The following NOXRED1 variants were observed in gnomAD, a reference collection of about 807,000 sequenced individuals.
NOXRED1 encodes NADP-dependent oxidoreductase domain-containing protein 1.
NOXRED1 carries 20 observed loss-of-function variants against 30.4 expected under a neutral mutation model. The ratio of observed to expected loss-of-function variants is 0.66; its 90% CI spans 0.46 to 0.96. NOXRED1 has a LOEUF of 0.96. Ranked by LOEUF, NOXRED1 falls within the 40% of genes least tolerant of loss-of-function variation. The pLI is 0.00. For synonymous variants in NOXRED1, 155 were observed against 168.0 expected (o/e 0.92, Z 0.60); for missense variants, 374 against 428.0 (o/e 0.87, Z 1.11).
intron 1 of NOXRED1, among the ~76,000 whole-genome samples, chr14:77,417,653 A>G (rs1203698481): frequency 6.6e-6 from 1 of 152,226 alleles, no homozygotes; most frequent in Non-Finnish European, 1.5e-5. Flanking sequence ...TTCAGCCTAT[A>G]TGTGTCCTAA....
At chr14:77,415,521 G>A (rs901235236) in intron 1 of NOXRED1, among the ~76,000 whole-genome samples, 6 of 151,650 alleles carry the variant, frequency 4.0e-5, no homozygotes, top group Admixed American at 2.6e-4. Context: ...AGTGAGCCAA[G>A]ATCCACTACT....
At chr14:77,407,428 C>T (rs749273451) in intron 3 of NOXRED1, 37 bp downstream of exon 3, 11 of 1,472,576 alleles carry the variant, frequency 7.5e-6, no homozygotes, top group Middle Eastern at 2.0e-4. Flanking sequence ...GGAGACAGAG[C>T]AGTTGTGCCA....
rs527857140 is a variant in NOXRED1 at position 77,416,659 on chromosome 14, C to G, written c.156-2532G>C. Among the ~76,000 whole-genome samples the G allele has an allele frequency of 2.0e-3, 309 of 152,372 alleles. 1 individual carries two copies. The highest frequency in any genetic ancestry group is 6.9e-3 in the African/African-American group (288 of 41,588). On this transcript the variant is annotated intron_variant, in intron 1 of 5. Coordinates refer to ENST00000380835, the MANE Select transcript of NOXRED1 (RefSeq NM_001113475.3). ...CTCAATCTTTTCCCCACCCTTCCCC[C>G]CTTTCTATTCCACAAAACCGCCATT...
intron 1 of NOXRED1, among the ~76,000 whole-genome samples, chr14:77,422,108 G>GCTACTTCT (rs1566715690): frequency 1.3e-5 from 2 of 152,208 alleles, no homozygotes; most frequent in African/African-American, 4.8e-5. Context: ...AAACTAAGAA[G>GCTACTTCT]TAGAGTGAGG....
At chr14:77,418,505 T>A (rs904590378) in intron 1 of NOXRED1, among the ~76,000 whole-genome samples, 6 of 151,454 alleles carry the variant, frequency 4.0e-5, no homozygotes, top group African/African-American at 1.5e-4. Flanking sequence ...ATTTTATTAT[T>A]TCTATATTTA....
chr14:77,420,329 ATAT>A (rs1894954977), intron 1 of NOXRED1, among the ~76,000 whole-genome samples: 1 of 150,932 alleles, frequency 6.6e-6, no homozygotes, highest in South Asian at 2.1e-4. Flanking sequence ...TCTCTTTATG[ATAT>A]TATTTTATTC....
At position 77,423,510 on chromosome 14, in the gene NOXRED1, T is replaced by A. The variant is rs1211687217; in HGVS notation, c.-621A>T. On this transcript the variant is annotated 5_prime_UTR_variant, in exon 1 of 6. Transcript: ENST00000380835. ...TGGCTCTGCTCCTCAGTACTTCTGA[T>A]CCTGGAAGGTAAGAACTACATTTCT... 1 of 147,760 alleles carries A rather than the reference T, an allele frequency of 6.8e-6. No individual in the cohort carries two copies. Among genetic ancestry groups the A allele is most frequent in the Non-Finnish European group, 1.5e-5 (1 of 67,196 alleles). The allele number at this position is 147,760 out of a possible 1,614,324, so 9.2% of individuals were successfully genotyped here. A position where few individuals can be genotyped will look rare whatever the true frequency, so the allele number is the denominator to read the frequency against.
At chr14:77,397,320 T>C (rs1436220490) in intron 5 of NOXRED1, among the ~76,000 whole-genome samples, 1 of 152,264 alleles carries the variant, frequency 6.6e-6, no homozygotes, top group Non-Finnish European at 1.5e-5. Context: ...ATTCCACTTA[T>C]ATAACATTCT....
rs1594884596 is a variant in NOXRED1, at chr14:77,423,082, C to T, written c.-193G>A. ...GGAATTCACCTCTCTTGAATTCACA[C>T]TCTAGAGTGTGAGTGTTTGAGGATT... is the stretch of plus-strand genomic sequence containing the variant. On this transcript the variant is annotated 5_prime_UTR_variant, in exon 1 of 6. The change creates a new upstream start codon in the 5' untranslated region. Coordinates refer to ENST00000380835, the MANE Select transcript of NOXRED1 (RefSeq NM_001113475.3). The T allele has an allele frequency of 3.1e-5, 17 of 553,378 alleles. No individual in the cohort carries two copies. The East Asian group carries it at 4.9e-4, about 16-fold the overall frequency. The allele number at this position is 553,378 out of a possible 1,614,324, so 34.3% of individuals were successfully genotyped here.
chr14:77,402,679 C>G (rs1034874776), intron 5 of NOXRED1, among the ~76,000 whole-genome samples: 1 of 151,710 alleles, frequency 6.6e-6, no homozygotes, highest in Admixed American at 6.6e-5. Flanking sequence ...AAAAATGGGC[C>G]AGAGACCTTA....
chr14:77,422,989 G>A lies in NOXRED1; in HGVS notation c.-100C>T, dbSNP rs1009548066. 12 of 938,048 alleles carry A rather than the reference G, an allele frequency of 1.3e-5. No homozygotes were observed. Among genetic ancestry groups the A allele is most frequent in the Admixed American group, 2.3e-5 (1 of 43,026 alleles). The allele number at this position is 938,048 out of a possible 1,614,324, so 58.1% of individuals were successfully genotyped here. On this transcript the variant is annotated 5_prime_UTR_variant, in exon 1 of 6. Transcript: ENST00000380835. ...GTAGGAGGTGTGTGTATGATGGTGTGTGTGCCCAGGTCACAAGCACTCATG... is the reference window on the plus strand; with the variant it reads ...GTAGGAGGTGTGTGTATGATGGTGTATGTGCCCAGGTCACAAGCACTCATG...
Position 77,405,957 on chromosome 14 carries a change from T to TGCAACTTTGCA in NOXRED1, c.860_861insTGCAAAGTTGC (p.Asp288AlafsTer26), listed in dbSNP as rs868389187. 2 of 1,613,748 alleles carry TGCAACTTTGCA rather than the reference T, an allele frequency of 1.2e-6. No homozygotes were observed. Among genetic ancestry groups the TGCAACTTTGCA allele is most frequent in the Non-Finnish European group, 1.7e-6 (2 of 1,179,832 alleles). On this transcript the variant is annotated frameshift_variant, in exon 5 of 6. Coordinates refer to ENST00000380835, the MANE Select transcript of NOXRED1 (RefSeq NM_001113475.3). LOFTEE classifies it low-confidence loss of function (END_TRUNC). ...TGCCATAGGCTTTGCTGACAAAATC[T>TGCAACTTTGCA]GTTAATTGCAACTTTGGGCAAGATG...
chr14:77,414,174 AG>A, intron 1 of NOXRED1, 47 bp from the exon 2 acceptor site: 8 of 1,109,620 alleles, frequency 7.2e-6, no homozygotes, highest in South Asian at 1.8e-5. Context: ...TGCACACACT[AG>A]TTTTTCTTTT....
chr14:77,422,981 G>T lies in NOXRED1; in HGVS notation c.-92C>A, dbSNP rs1895041818. ...GGGTCTATGTAGGAGGTGTGTGTAT[G>T]ATGGTGTGTGTGCCCAGGTCACAAG... On this transcript the variant is annotated 5_prime_UTR_variant, in exon 1 of 6. Coordinates refer to ENST00000380835, the MANE Select transcript of NOXRED1 (RefSeq NM_001113475.3). 2 of 1,036,178 alleles carry T rather than the reference G, an allele frequency of 1.9e-6. No homozygotes were observed. Among genetic ancestry groups the T allele is most frequent in the Admixed American group, 2.2e-5 (1 of 44,788 alleles). 64.2% of individuals were successfully genotyped at this position (1,036,178 alleles called of 1,614,324 possible).
chr14:77,424,282 C>A (rs1895072330), upstream of NOXRED1, among the ~76,000 whole-genome samples: 1 of 152,140 alleles, frequency 6.6e-6, no homozygotes, highest in Non-Finnish European at 1.5e-5. Flanking sequence ...AACCCCATCT[C>A]TACTAAAAAG....
At chr14:77,421,363 T>C (rs1894988191) in intron 1 of NOXRED1, among the ~76,000 whole-genome samples, 1 of 152,238 alleles carries the variant, frequency 6.6e-6, no homozygotes, top group African/African-American at 2.4e-5. Context: ...TGGAGCTTCC[T>C]ATTTCTTCAT....
intron 1 of NOXRED1, among the ~76,000 whole-genome samples, chr14:77,415,585 T>TATAGATAGATAGATAG (rs35339836): frequency 1.4e-5 from 2 of 145,422 alleles, no homozygotes; most frequent in African/African-American, 2.5e-5. Flanking sequence ...AGAAAATACA[T>TATAGATAGATAGATAG]ATAGATAGAT....
chr14:77,402,578 G>A (rs1448108112), intron 5 of NOXRED1, among the ~76,000 whole-genome samples: 1 of 151,764 alleles, frequency 6.6e-6, no homozygotes, highest in Non-Finnish European at 1.5e-5. Flanking sequence ...AGGTTGCGGT[G>A]AGCCGAGATC....
intron 1 of NOXRED1, among the ~76,000 whole-genome samples, chr14:77,420,073 G>A (rs1173042262): frequency 2.6e-5 from 4 of 152,024 alleles, no homozygotes; most frequent in Non-Finnish European, 5.9e-5. Flanking sequence ...ACCTTGCTCT[G>A]CCTCTCTTCT....
Sources: gnomAD v4.1 joint callset for allele counts (sites outside exome capture counted in the v4.1 genomes callset) on GRCh38, gnomAD v4.1.1 for gene constraint, MANE v1.5 for transcripts, NCBI Gene and HGNC (gene_info 2026-07-23, HGNC 2026-07-21) for gene names.